The following ARMC10 variants were observed in gnomAD, a reference collection of about 807,000 sequenced individuals.
ARMC10 encodes the protein armadillo repeat-containing protein 10.
ARMC10 carries 23 observed loss-of-function variants against 30.2 expected under a neutral mutation model. That is an observed-to-expected ratio of 0.76 (90% CI 0.55 to 1.08). The LOEUF (loss-of-function observed/expected upper bound fraction) is 1.08, where lower values mean the gene tolerates loss of function less well. Among genes scored for constraint, ARMC10 ranks in the 50% least tolerant of loss-of-function variants. The probability of loss-of-function intolerance (pLI) is 0.00; values close to 1 mark genes in which losing one functional copy is unlikely to be tolerated. For synonymous variants in ARMC10, 111 were observed against 164.4 expected, an observed-to-expected ratio of 0.68 and a Z score of 2.48; for missense variants, 303 against 413.7, an observed-to-expected ratio of 0.73 and a Z score of 2.32.
intron 2 of ARMC10, among the ~76,000 whole-genome samples, chr7:103,080,886 A>G (rs1447882411): frequency 6.6e-6 from 1 of 152,154 alleles, no homozygotes; most frequent in East Asian, 1.9e-4. Context: ...TCAGCCTCCC[A>G]GAGTGCTGGG....
chr7:103,091,189 G>A (rs998929132), intron 4 of ARMC10, among the ~76,000 whole-genome samples: 7 of 152,158 alleles, frequency 4.6e-5, no homozygotes, highest in African/African-American at 4.8e-5. Context: ...AGCACTTTGG[G>A]AGGCTGAGGC....
chr7:103,084,003 G>T (rs773299066), intron 3 of ARMC10, 173 bp downstream of exon 3: 1 of 1,508,176 alleles, frequency 6.6e-7, no homozygotes, highest in Non-Finnish European at 8.9e-7. Context: ...CAGCCTAATA[G>T]TGATATGATT....
intron 6 of ARMC10, among the ~76,000 whole-genome samples, chr7:103,097,559 T>G (rs758363918): frequency 5.3e-5 from 8 of 152,186 alleles, no homozygotes; most frequent in Non-Finnish European, 1.2e-4. Context: ...TTTTAAAAAT[T>G]CACCCTAGCA....
intron 2 of ARMC10, among the ~76,000 whole-genome samples, chr7:103,078,987 CA>C (rs1208771513): frequency 6.6e-6 from 1 of 152,040 alleles, no homozygotes. Context: ...CCAGCCTGGA[CA>C]AAAGAGCAAG....
chr7:103,075,229 C>T lies in ARMC10; in HGVS notation c.-44C>T, dbSNP rs1799583299. Reference sequence around the variant, plus strand: ...AGACCTCCGCGCTGGCCCCCGCGAGCCTCCTGCCCTGGCCCGGCGCTGCGG... The same window carrying T: ...AGACCTCCGCGCTGGCCCCCGCGAGTCTCCTGCCCTGGCCCGGCGCTGCGG... On this transcript the variant is annotated 5_prime_UTR_variant, in exon 1 of 7. Coordinates refer to ENST00000323716, the MANE Select transcript of ARMC10 (RefSeq NM_031905.5). 1 of 1,148,354 alleles carries T rather than the reference C, an allele frequency of 8.7e-7. No individual in the cohort carries two copies. The highest frequency in any genetic ancestry group is 1.1e-6 in the Non-Finnish European group (1 of 934,710). 71.1% of individuals were successfully genotyped at this position (1,148,354 alleles called of 1,614,324 possible).
At position 103,075,864 on chromosome 7, in the gene ARMC10, C is replaced by T; in HGVS notation, c.227C>T (p.Ser76Phe). 6.2e-7 allele frequency: 1 copy of T among 1,604,896 alleles called. No homozygotes were observed. The highest frequency in any genetic ancestry group is 8.5e-7 in the Non-Finnish European group (1 of 1,175,080). ...GGAGGTACCTGGGAGTCACAGTGGT[C>T]CAAGACCTCGCAGCCTGGTGTGTGT... ...QTGGTWESQW[S>F]KTSQPEDLTD... The change falls in exon 2 of 7, where the codon TCC becomes TTC. Residue 76 changes from serine (S) to phenylalanine (F), a missense_variant. This residue lies in a region of ARMC10 where 96 missense variants were observed against 84.2 expected (regional missense o/e 1.14). Coordinates refer to ENST00000323716, the MANE Select transcript of ARMC10 (RefSeq NM_031905.5).
intron 1 of ARMC10, 82 bp downstream of exon 1, chr7:103,075,493 CG>C: frequency 8.1e-7 from 1 of 1,231,760 alleles, no homozygotes; most frequent in Middle Eastern, 2.4e-4. Context: ...TGCGTGTGCT[CG>C]GGGTAAAATG....
At chr7:103,098,166 G>C (rs1373402545) in intron 6 of ARMC10, 133 bp from the exon 7 acceptor site, 2 of 1,036,454 alleles carry the variant, frequency 1.9e-6, no homozygotes, top group Non-Finnish European at 1.3e-6. Flanking sequence ...TTTAATGTGA[G>C]ATACATTTTA....
chr7:103,080,239 GT>G (rs761042895), intron 2 of ARMC10, among the ~76,000 whole-genome samples: 1 of 152,188 alleles, frequency 6.6e-6, no homozygotes, highest in Non-Finnish European at 1.5e-5. Context: ...TTACTAAAAA[GT>G]TATACATGGT....
Position 103,097,364 on chromosome 7 carries a change from AT to A in ARMC10, c.777+19del. 6.4e-7 allele frequency: 1 copy of A among 1,564,990 alleles called. No individual in the cohort carries two copies. The highest frequency in any genetic ancestry group is 8.8e-7 in the Non-Finnish European group (1 of 1,137,524). ...CCGTGCCCAAGTAAATAGCTTATAT[AT>A]TTATTTTGTAAATATACACATATAT... On this transcript the variant is annotated intron_variant, in intron 6 of 6. Coordinates refer to ENST00000323716, the MANE Select transcript of ARMC10 (RefSeq NM_031905.5).
chr7:103,083,941 C>A, intron 3 of ARMC10, 111 bp downstream of exon 3: 1 of 1,479,970 alleles, frequency 6.8e-7, no homozygotes. Context: ...CTCATCTGTG[C>A]AATGTGGCTA....
intron 4 of ARMC10, chr7:103,089,238 T>A: frequency 8.1e-6 from 2 of 248,038 alleles, no homozygotes; most frequent in South Asian, 1.2e-4. Context: ...GAGCTCGATA[T>A]GCAGTAAGAT....
chr7:103,075,453 A>AGG, intron 1 of ARMC10, 42 bp downstream of exon 1: 1 of 1,277,012 alleles, frequency 7.8e-7, no homozygotes, highest in Non-Finnish European at 9.9e-7. Flanking sequence ...GGGACTGGGC[A>AGG]GGGGGGCTCC....
chr7:103,098,515 G>A lies in ARMC10; in HGVS notation c.994G>A (p.Val332Met). 6.3e-7 allele frequency: 1 copy of A among 1,593,728 alleles called. No individual in the cohort carries two copies. The highest frequency in any genetic ancestry group is 8.5e-7 in the Non-Finnish European group (1 of 1,171,254). Reference protein sequence around the residue: ...RALVDHHDAEVKEKVVTIIPK... With the variant: ...RALVDHHDAEMKEKVVTIIPK... ...TTTAGTTGATCACCATGATGCAGAG[G>A]TGAAGGAAAAGGTTGTAACAATAAT... The change falls in exon 7 of 7, where the codon GTG becomes ATG. Residue 332 changes from valine to methionine, a missense_variant. This residue lies in a region of ARMC10 where 26 missense variants were observed against 94.7 expected (regional missense o/e 0.27). Transcript: ENST00000323716.
At chr7:103,096,807 G>A (rs1801796183) in intron 5 of ARMC10, 1 of 160,738 alleles carries the variant, frequency 6.2e-6, no homozygotes. Context: ...TGAAGATCGT[G>A]TATTTAACAG....
chr7:103,084,031 T>G (rs1800620437), intron 3 of ARMC10: 1 of 1,508,380 alleles, frequency 6.6e-7, no homozygotes, highest in Non-Finnish European at 8.9e-7. Flanking sequence ...TGATTATAGA[T>G]CCCTATGAAG....
chr7:103,075,545 C>T, intron 1 of ARMC10, 134 bp downstream of exon 1: 1 of 1,066,204 alleles, frequency 9.4e-7, no homozygotes, highest in Non-Finnish European at 1.2e-6. Context: ...TGTGTGAGTG[C>T]AGGGTGCTGC....
chr7:103,080,379 C>T (rs749250888), intron 2 of ARMC10, among the ~76,000 whole-genome samples: 19 of 151,524 alleles, frequency 1.3e-4, no homozygotes, highest in East Asian at 9.8e-4. Context: ...CTCGGCCACC[C>T]GAGTAGCTGG....
chr7:103,092,190 G>A (rs886478699), intron 4 of ARMC10, among the ~76,000 whole-genome samples: 2 of 151,970 alleles, frequency 1.3e-5, no homozygotes, highest in Non-Finnish European at 2.9e-5. Context: ...AAAATTAGCC[G>A]GGCGTGGTGG....
Sources: allele counts gnomAD v4.1 joint callset (sites outside exome capture counted in the v4.1 genomes callset), GRCh38; gene constraint gnomAD v4.1.1; regional missense constraint gnomAD v4.1.1; transcripts MANE v1.5; gene names NCBI Gene and HGNC (gene_info 2026-07-23, HGNC 2026-07-21).